PTBP2: variants seen among roughly 807,000 people sequenced by gnomAD.
The protein encoded by PTBP2 is polypyrimidine tract-binding protein 2.
PTBP2 carries 13 observed loss-of-function variants against 61.4 expected under a neutral mutation model. That is an observed-to-expected ratio of 0.21 (90% CI 0.14 to 0.34). PTBP2 has a LOEUF of 0.34. Ranked by LOEUF, PTBP2 falls within the 10% of genes least tolerant of loss-of-function variation. The probability of loss-of-function intolerance (pLI) is 1.00; values close to 1 mark genes in which losing one functional copy is unlikely to be tolerated. For missense variants in PTBP2, 405 were observed against 642.6 expected (o/e 0.63, Z 4.00); for synonymous variants, 215 against 218.5 (o/e 0.98, Z 0.14).
At chr1:96,806,709 A>G in intron 10 of PTBP2, 157 bp from the exon 11 acceptor site, 1 of 682,134 alleles carries the variant, frequency 1.5e-6, no homozygotes, top group Admixed American at 3.1e-5. Flanking sequence ...CACTGTTCAA[A>G]ATCTTGATCT....
intron 2 of PTBP2, among the ~76,000 whole-genome samples, chr1:96,736,936 T>G (rs1316434374): frequency 6.6e-6 from 1 of 152,110 alleles, no homozygotes; most frequent in African/African-American, 2.4e-5. Flanking sequence ...TGCTTTAGCC[T>G]TGCAAAGTGC....
intron 2 of PTBP2, 66 bp from the exon 3 acceptor site, chr1:96,751,359 A>G: frequency 1.6e-6 from 2 of 1,227,306 alleles, no homozygotes; most frequent in Non-Finnish European, 2.4e-6. Flanking sequence ...ATTTAAGTGA[A>G]AGGCTTTTAG....
chr1:96,804,846 AGCAGCTGCT>A lies in PTBP2; in HGVS notation c.963_971del (p.Ala322_Ala324del), dbSNP rs755701299. 6.8e-6 allele frequency: 11 copies of A among 1,611,518 alleles called. No individual in the cohort carries two copies. The highest frequency in any genetic ancestry group is 4.2e-6 in the Non-Finnish European group (5 of 1,178,264). On this transcript the variant is annotated inframe_deletion, in exon 9 of 14. Coordinates refer to ENST00000674951, the MANE Select transcript of PTBP2 (RefSeq NM_021190.4). Reference sequence around the variant, plus strand: ...CTTTGGCCATTCCAAATGCTGCTGCAGCAGCTGCTGCAGCTGCTGCTGGCCGAGTGGGTA... The same window carrying A: ...CTTTGGCCATTCCAAATGCTGCTGCAGCAGCTGCTGCTGGCCGAGTGGGTA...
chr1:96,733,273 T>C (rs1210622594), intron 2 of PTBP2, among the ~76,000 whole-genome samples: 1 of 151,868 alleles, frequency 6.6e-6, no homozygotes, highest in African/African-American at 2.4e-5. Flanking sequence ...GTGCCTCCGT[T>C]TCCCACTTAC....
chr1:96,819,238 C>G (rs1177520075), downstream of PTBP2: 1 of 152,016 alleles, frequency 6.6e-6, no homozygotes, highest in Admixed American at 6.6e-5. Context: ...CACAGTCTAA[C>G]AGTTGAAATG....
chr1:96,793,391 T>C (rs1000757276), intron 8 of PTBP2, among the ~76,000 whole-genome samples: 1 of 152,144 alleles, frequency 6.6e-6, no homozygotes, highest in Admixed American at 6.5e-5. Context: ...TTTTTTTAGT[T>C]GGAGTACTGG....
intron 2 of PTBP2, among the ~76,000 whole-genome samples, chr1:96,726,849 T>C (rs948644655): frequency 6.6e-5 from 10 of 152,092 alleles, no homozygotes; most frequent in Non-Finnish European, 1.3e-4. Flanking sequence ...TCCCAAAGTG[T>C]TGGGATTACA....
intron 8 of PTBP2, among the ~76,000 whole-genome samples, chr1:96,800,518 G>A (rs549444547): frequency 6.6e-6 from 1 of 151,604 alleles, no homozygotes; most frequent in East Asian, 1.9e-4. Context: ...GATTGCTGGA[G>A]GCCAGGAGTT....
intron 5 of PTBP2, among the ~76,000 whole-genome samples, chr1:96,771,706 T>C (rs1657401582): frequency 2.0e-5 from 3 of 152,182 alleles, no homozygotes; most frequent in Admixed American, 2.0e-4. Flanking sequence ...CTCTTCTTTC[T>C]TTTTACTTAG....
chr1:96,735,667 T>C (rs1200055578), intron 2 of PTBP2, among the ~76,000 whole-genome samples: 1 of 152,166 alleles, frequency 6.6e-6, no homozygotes, highest in African/African-American at 2.4e-5. Context: ...GCACTAAATA[T>C]CTTTATTAGT....
intron 2 of PTBP2, among the ~76,000 whole-genome samples, chr1:96,728,691 G>A (rs533406348): frequency 4.6e-5 from 7 of 152,076 alleles, no homozygotes; most frequent in African/African-American, 1.4e-4. Context: ...TTTCATATGA[G>A]TCAGTTCTTA....
downstream of PTBP2, chr1:96,817,841 G>A (rs1240898594): frequency 6.6e-6 from 1 of 151,960 alleles, no homozygotes; most frequent in African/African-American, 2.4e-5. Flanking sequence ...TTATAAAAAT[G>A]GCAAATAATA....
intron 2 of PTBP2, among the ~76,000 whole-genome samples, chr1:96,726,074 C>CAAAAAAAAAAAAAAAA (rs762152365): frequency 3.7e-5 from 2 of 54,214 alleles, no homozygotes; most frequent in Non-Finnish European, 6.4e-5. Flanking sequence ...GACTCTATCT[C>CAAAAAAAAAAAAAAAA]AAAAAAAAAA....
At chr1:96,751,841 T>C (rs1654585135) in intron 3 of PTBP2, among the ~76,000 whole-genome samples, 1 of 152,078 alleles carries the variant, frequency 6.6e-6, no homozygotes, top group African/African-American at 2.4e-5. Context: ...ATTTTTACTT[T>C]AAGTATTTAT....
chr1:96,786,818 C>A (rs1020447521), intron 8 of PTBP2, among the ~76,000 whole-genome samples: 2 of 151,984 alleles, frequency 1.3e-5, no homozygotes, highest in Non-Finnish European at 2.9e-5. Context: ...CAAGAAACTC[C>A]AGCTAGTATT....
chr1:96,735,626 C>T (rs78022043), intron 2 of PTBP2, among the ~76,000 whole-genome samples: 2,023 of 152,104 alleles, frequency 0.013, 52 homozygotes, highest in African/African-American at 0.047. Flanking sequence ...CTAAGAGGTC[C>T]TGGAGTTCAG....
intron 11 of PTBP2, among the ~76,000 whole-genome samples, chr1:96,812,352 A>C (rs1327589641): frequency 6.6e-6 from 1 of 152,208 alleles, no homozygotes; most frequent in Non-Finnish European, 1.5e-5. Flanking sequence ...AATTAGGAGG[A>C]AGGCTATCAC....
chr1:96,810,183 T>C (rs1416333546), intron 11 of PTBP2, among the ~76,000 whole-genome samples: 1 of 152,238 alleles, frequency 6.6e-6, no homozygotes, highest in Non-Finnish European at 1.5e-5. Context: ...AAAAATTACA[T>C]TAAATCAAAA....
intron 2 of PTBP2, among the ~76,000 whole-genome samples, chr1:96,741,670 T>TA (rs1327941769): frequency 1.3e-5 from 2 of 152,164 alleles, no homozygotes; most frequent in African/African-American, 2.4e-5. Context: ...GTTTTTCTTT[T>TA]AAAAAAACAT....
Sources: allele counts gnomAD v4.1 joint callset (sites outside exome capture counted in the v4.1 genomes callset), GRCh38; gene constraint gnomAD v4.1.1; transcripts MANE v1.5; gene names NCBI Gene and HGNC (gene_info 2026-07-23, HGNC 2026-07-21).